The following MGAT5 variants were observed in gnomAD, a reference collection of about 807,000 sequenced individuals.
MGAT5 encodes alpha-1,6-mannosylglycoprotein 6-beta-N-acetylglucosaminyltransferase A.
MGAT5 carries 30 observed loss-of-function variants against 94.3 expected under a neutral mutation model. The ratio of observed to expected loss-of-function variants is 0.32; its 90% CI spans 0.24 to 0.43. MGAT5 has a LOEUF of 0.43. Among genes scored for constraint, MGAT5 ranks in the 20% least tolerant of loss-of-function variants. The pLI, the probability that MGAT5 is intolerant of heterozygous loss-of-function variation, is 1.00. For missense variants in MGAT5, 691 were observed against 905.5 expected, an observed-to-expected ratio of 0.76 and a Z score of 3.04; for synonymous variants, 310 against 322.9, an observed-to-expected ratio of 0.96 and a Z score of 0.43.
At chr2:134,135,259 T>C (rs1458194694) in intron 1 of MGAT5, among the ~76,000 whole-genome samples, 2 of 152,234 alleles carry the variant, frequency 1.3e-5, no homozygotes, top group East Asian at 3.8e-4. Flanking sequence ...GAGAGTGTTA[T>C]AAGTTCACTG....
At chr2:134,248,749 A>G (rs950518087) in intron 1 of MGAT5, among the ~76,000 whole-genome samples, 4 of 152,158 alleles carry the variant, frequency 2.6e-5, no homozygotes, top group Non-Finnish European at 5.9e-5. Context: ...GAAGAGACCA[A>G]ATCTCTGCTT....
intron 10 of MGAT5, among the ~76,000 whole-genome samples, chr2:134,382,833 G>T (rs1179807555): frequency 6.6e-6 from 1 of 152,206 alleles, no homozygotes; most frequent in Non-Finnish European, 1.5e-5. Context: ...CCCACAGCTT[G>T]AGCTGTGTGC....
chr2:134,121,135 C>G (rs1004016250), intron 1 of MGAT5, among the ~76,000 whole-genome samples: 1 of 152,178 alleles, frequency 6.6e-6, no homozygotes, highest in Non-Finnish European at 1.5e-5. Flanking sequence ...GCCTGTGGCT[C>G]TTTCGCGCCC....
In MGAT5 at chr2:134,345,056, T is replaced by G; in HGVS notation, c.1104T>G (p.Val368=). Residue 368 remains valine, a synonymous_variant, in exon 8 of 16, where the codon GTT becomes GTG. Coordinates refer to ENST00000281923, the MANE Select transcript of MGAT5 (RefSeq NM_002410.5). ...AGAAAACTCTTGGACCATCCTGGGT[T>G]CATTACCAGTAAGTGCTACATGGTG... is the stretch of plus-strand genomic sequence containing the variant. ...QFKKTLGPSW[V]HYQCMLRVLD... 2.5e-6 allele frequency: 4 copies of G among 1,612,564 alleles called. No individual in the cohort carries two copies. Among genetic ancestry groups the G allele is most frequent in the Non-Finnish European group, 3.4e-6 (4 of 1,179,032 alleles).
At chr2:134,270,107 G>A (rs1422622328) in intron 1 of MGAT5, among the ~76,000 whole-genome samples, 1 of 152,210 alleles carries the variant, frequency 6.6e-6, no homozygotes, top group East Asian at 1.9e-4. Context: ...ATAGCAGGAT[G>A]CTAAATAACA....
chr2:134,427,479 TGTAGA>T (rs1176613333), intron 13 of MGAT5, among the ~76,000 whole-genome samples: 1 of 152,200 alleles, frequency 6.6e-6, no homozygotes, highest in African/African-American at 2.4e-5. Flanking sequence ...TGAAGCATCC[TGTAGA>T]GTTTCCTACT....
intron 10 of MGAT5, among the ~76,000 whole-genome samples, chr2:134,389,626 G>A (rs1282333680): frequency 6.6e-6 from 1 of 152,206 alleles, no homozygotes; most frequent in Non-Finnish European, 1.5e-5. Flanking sequence ...TGGCTTGGTG[G>A]ATAACTGAGT....
At position 134,155,961 on chromosome 2, in the gene MGAT5, G is replaced by A. The variant is rs148165780; in HGVS notation, c.-143+35670G>A. Among the ~76,000 whole-genome samples, 15 of 152,180 alleles carry A rather than the reference G, an allele frequency of 9.9e-5. 1 individual carries two copies. Among genetic ancestry groups the A allele is most frequent in the African/African-American group, 3.6e-4 (15 of 41,502 alleles). On this transcript the variant is annotated intron_variant, in intron 1 of 16. Coordinates refer to the MGAT5 transcript ENST00000409645. ...CCCATTATTCTCTGCTGCTCTCCCC[G>A]CCGTTCTTTTCTTCATAGTAGTTGC...
intron 14 of MGAT5, among the ~76,000 whole-genome samples, chr2:134,429,138 G>T (rs916406808): frequency 6.6e-6 from 1 of 152,202 alleles, no homozygotes; most frequent in Non-Finnish European, 1.5e-5. Flanking sequence ...CAGAAATAAG[G>T]TGCTCTTCCT....
At chr2:134,309,661 C>A (rs1195766606) in intron 2 of MGAT5, among the ~76,000 whole-genome samples, 1 of 152,116 alleles carries the variant, frequency 6.6e-6, no homozygotes, top group Non-Finnish European at 1.5e-5. Flanking sequence ...ATAACCTTTT[C>A]CCTGGCTGAC....
At chr2:134,413,703 T>A (rs1195294113) in intron 12 of MGAT5, among the ~76,000 whole-genome samples, 7 of 152,180 alleles carry the variant, frequency 4.6e-5, no homozygotes, top group African/African-American at 1.7e-4. Context: ...CAAGAAACCA[T>A]AAGATTGATT....
At chr2:134,290,278 C>T (rs1685267366) in intron 2 of MGAT5, among the ~76,000 whole-genome samples, 1 of 152,210 alleles carries the variant, frequency 6.6e-6, no homozygotes, top group South Asian at 2.1e-4. Context: ...TCTACTTTTA[C>T]CATTTCTGGC....
intron 1 of MGAT5, among the ~76,000 whole-genome samples, chr2:134,172,247 G>A (rs1008307675): frequency 6.6e-6 from 1 of 152,106 alleles, no homozygotes; most frequent in Admixed American, 6.5e-5. Context: ...GAACTGGAGC[G>A]TGTGACTCCT....
rs760580746 is a variant in MGAT5 at position 134,268,168 on chromosome 2, G to A, written c.242-2218G>A. On this transcript the variant is annotated intron_variant, in intron 1 of 15. Transcript: ENST00000281923. The surrounding 1 kb of genome is among the most constrained non-coding windows in gnomAD (Gnocchi z 4.1). ...CCCGGCCCAAAGTGTCAGTAGTGCC[G>A]AGGTTGAGAAATCCTGAGTTAAGTC... Among the ~76,000 whole-genome samples, 14 of 152,162 alleles carry A rather than the reference G, an allele frequency of 9.2e-5. No individual in the cohort carries two copies. The highest frequency in any genetic ancestry group is 7.2e-5 in the African/African-American group (3 of 41,438).
intron 10 of MGAT5, among the ~76,000 whole-genome samples, chr2:134,370,190 T>A (rs1015735853): frequency 6.6e-6 from 1 of 152,226 alleles, no homozygotes; most frequent in African/African-American, 2.4e-5. Flanking sequence ...TTAACTGCTC[T>A]TAGCTCATTG....
At chr2:134,354,784 G>T (rs527975261) in intron 9 of MGAT5, among the ~76,000 whole-genome samples, 1 of 152,270 alleles carries the variant, frequency 6.6e-6, no homozygotes, top group African/African-American at 2.4e-5. Context: ...TCTATTAAGT[G>T]TTGGGTTTTC....
intron 1 of MGAT5, among the ~76,000 whole-genome samples, chr2:134,184,475 C>T (rs920895663): frequency 6.6e-6 from 1 of 152,182 alleles, no homozygotes; most frequent in African/African-American, 2.4e-5. Flanking sequence ...TCTCTTTGTC[C>T]TTCAAGGCTC....
intron 1 of MGAT5, among the ~76,000 whole-genome samples, chr2:134,147,154 G>A (rs1573741892): frequency 6.6e-6 from 1 of 152,100 alleles, no homozygotes; most frequent in Non-Finnish European, 1.5e-5. Flanking sequence ...GAAGTTCTTA[G>A]TCATTTTGTT....
intron 2 of MGAT5, among the ~76,000 whole-genome samples, chr2:134,311,789 G>T (rs773104075): frequency 6.6e-6 from 1 of 152,134 alleles, no homozygotes; most frequent in Non-Finnish European, 1.5e-5. Flanking sequence ...ATGATGCCGC[G>T]TAGTTGATAG....
Sources: gnomAD v4.1 joint callset for allele counts (sites outside exome capture counted in the v4.1 genomes callset) on GRCh38, gnomAD v4.1.1 for gene constraint, Gnocchi (gnomAD v3.1) non-coding constraint, MANE v1.5 for transcripts, NCBI Gene and HGNC (gene_info 2026-07-23, HGNC 2026-07-21) for gene names.